The following SHANK2 variants were observed in gnomAD, a reference collection of about 807,000 sequenced individuals.
SHANK2 encodes SH3 and multiple ankyrin repeat domains protein 2.
Under a neutral mutation model 133.7 loss-of-function variants are expected in SHANK2, and 43 were observed. That is an observed-to-expected ratio of 0.32 (90% confidence interval 0.25 to 0.41). The LOEUF (loss-of-function observed/expected upper bound fraction) is 0.41. SHANK2 is among the 10% of genes least tolerant of loss of function. SHANK2 has a pLI of 1.00. For missense variants in SHANK2, 1,994 were observed against 2,235.8 expected (o/e 0.89, Z 2.18); for synonymous variants, 1,017 against 952.8 (o/e 1.07, Z -1.24).
intron 14 of SHANK2, among the ~76,000 whole-genome samples, chr11:70,729,072 C>T (rs1057134711): frequency 7.9e-5 from 12 of 151,860 alleles, no homozygotes; most frequent in African/African-American, 1.2e-4. Context: ...GGTGTGGTGG[C>T]GGGTGCTTGT....
intron 12 of SHANK2, among the ~76,000 whole-genome samples, chr11:70,811,292 T>G (rs572065064): frequency 2.1e-4 from 32 of 152,204 alleles, no homozygotes; most frequent in African/African-American, 7.0e-4. Flanking sequence ...GCTGCTTAAG[T>G]CCAGAACTTA....
intron 1 of SHANK2, among the ~76,000 whole-genome samples, chr11:71,247,035 A>AT: frequency 6.6e-6 from 1 of 152,308 alleles, no homozygotes; most frequent in African/African-American, 2.4e-5. Context: ...ATTTATGTAT[A>AT]TTTTTCGTGC....
At chr11:70,891,801 A>G (rs1949850152) in intron 11 of SHANK2, among the ~76,000 whole-genome samples, 1 of 152,158 alleles carries the variant, frequency 6.6e-6, no homozygotes, top group Non-Finnish European at 1.5e-5. Context: ...CCTCACCCTG[A>G]CACTGCTAAG....
At chr11:71,130,335 G>A (rs782084125) in intron 3 of SHANK2, among the ~76,000 whole-genome samples, 32 of 152,174 alleles carry the variant, frequency 2.1e-4, no homozygotes, top group East Asian at 3.8e-4. Flanking sequence ...AACCAGCGCC[G>A]AAAAGTATCC....
At chr11:70,824,700 G>A (rs1249073829) in intron 11 of SHANK2, among the ~76,000 whole-genome samples, 2 of 152,114 alleles carry the variant, frequency 1.3e-5, no homozygotes, top group East Asian at 3.9e-4. Flanking sequence ...GACCGGCAGA[G>A]ACTAAAAAAA....
rs782728354 is a variant in SHANK2, at chr11:70,473,139, G to A, written c.5280C>T (p.Arg1760=). 2 of 1,614,258 alleles carry A rather than the reference G, an allele frequency of 1.2e-6. No individual in the cohort carries two copies. Residue 1760 remains arginine, a synonymous_variant, in exon 26 of 26, where the codon CGC becomes CGT. Transcript: ENST00000601538. The surrounding 1 kb of genome is among the most constrained non-coding windows in gnomAD (Gnocchi z 5.9). ...GTATCGAGGGGGATGGCGACCTACT[G>A]CGTCCCGCTGGGTTCAAGCCAAATA... ...GDLFGLNPAG[R]SRSPSPSILQ...
chr11:70,741,768 T>C (rs1016246240), intron 14 of SHANK2, among the ~76,000 whole-genome samples: 9 of 152,204 alleles, frequency 5.9e-5, no homozygotes, highest in Admixed American at 5.9e-4. Flanking sequence ...CCTCTGTTTT[T>C]TCATTAAACA....
rs145658122 is a variant in SHANK2, at chr11:70,629,081, C to T, written c.2061+30747G>A. Among the ~76,000 whole-genome samples, 241 of 152,316 alleles carry T rather than the reference C, an allele frequency of 1.6e-3. 3 individuals are homozygous for T. The highest frequency in any genetic ancestry group is 0.014 in the South Asian group (69 of 4,830). On this transcript the variant is annotated intron_variant, in intron 17 of 25. Coordinates refer to ENST00000601538, the MANE Select transcript of SHANK2 (RefSeq NM_012309.5). ...TCAGGCATGTGCGCGCCACAGCTCA[C>T]GTGCTCACTGCAGCCTGAATTCAGT...
At chr11:70,926,359 T>C (rs1950427717) in intron 10 of SHANK2, among the ~76,000 whole-genome samples, 1 of 152,124 alleles carries the variant, frequency 6.6e-6, no homozygotes, top group Non-Finnish European at 1.5e-5. Context: ...GGAAAGGACA[T>C]GCTTGGCTCA....
chr11:70,475,028 AAC>A (rs1254215650), intron 25 of SHANK2: 1 of 152,470 alleles, frequency 6.6e-6, no homozygotes, highest in Non-Finnish European at 1.5e-5. Flanking sequence ...GAGAGCTGCA[AAC>A]AGTAGAGATG....
At chr11:70,517,049 G>A (rs1265842627) in intron 17 of SHANK2, among the ~76,000 whole-genome samples, 1 of 152,062 alleles carries the variant, frequency 6.6e-6, no homozygotes, top group Non-Finnish European at 1.5e-5. Flanking sequence ...CTCCAGCCTG[G>A]GCAACAGAGT....
chr11:70,744,278 G>A (rs868922814), intron 14 of SHANK2, among the ~76,000 whole-genome samples: 33 of 152,326 alleles, frequency 2.2e-4, no homozygotes, highest in Admixed American at 1.6e-3. Context: ...GGGCTCGGGC[G>A]ATCAGATCCC....
chr11:71,100,251 A>G (rs544243940), intron 6 of SHANK2, among the ~76,000 whole-genome samples: 2 of 152,194 alleles, frequency 1.3e-5, no homozygotes, highest in Non-Finnish European at 2.9e-5. Flanking sequence ...CAATCCAGCA[A>G]CCCAGCTCCT....
chr11:70,577,743 C>T (rs147596220), intron 17 of SHANK2, among the ~76,000 whole-genome samples: 28 of 145,932 alleles, frequency 1.9e-4, no homozygotes, highest in Non-Finnish European at 3.3e-4. Flanking sequence ...GGCTGATAAA[C>T]GGAGGTAAAC....
chr11:70,756,429 A>G (rs1167691775), intron 14 of SHANK2, among the ~76,000 whole-genome samples: 1 of 152,160 alleles, frequency 6.6e-6, no homozygotes, highest in African/African-American at 2.4e-5. Context: ...ACCGGAGAAG[A>G]GCCCAGGTTA....
chr11:70,484,823 G>A lies in SHANK2; in HGVS notation c.4979+491C>T, dbSNP rs1192388409. 3.3e-5 allele frequency among the ~76,000 whole-genome samples: 5 copies of A among 152,186 alleles called. 1 individual carries two copies. Among genetic ancestry groups the A allele is most frequent in the Non-Finnish European group, 5.9e-5 (4 of 68,038 alleles). On this transcript the variant is annotated intron_variant, in intron 25 of 25. Coordinates refer to ENST00000601538, the MANE Select transcript of SHANK2 (RefSeq NM_012309.5). ...CCATGACCCTGTGCCTCCCAAGCCCGCAAACCTGGTAGTGATGGGAGGGGA... is the reference window on the plus strand; with the variant it reads ...CCATGACCCTGTGCCTCCCAAGCCCACAAACCTGGTAGTGATGGGAGGGGA...
chr11:71,234,039 T>C (rs1408620920), intron 1 of SHANK2, among the ~76,000 whole-genome samples: 1 of 148,410 alleles, frequency 6.7e-6, no homozygotes, highest in Non-Finnish European at 1.5e-5. Context: ...AGAGCAAGAC[T>C]CGTCTCAAAG....
In SHANK2 at chr11:70,807,247, C is replaced by T; in HGVS notation, c.1494-76G>A. On this transcript the variant is annotated intron_variant, in intron 12 of 25. Transcript: ENST00000601538. This position sits in a 1 kb window ranked among gnomAD's most constrained non-coding sequence, Gnocchi z 4.8. ...CAAGCCACATGCCACAAACCACAGC[C>T]AAGCCATTCAACGCATGCTGCGCCT... 1 of 684,698 alleles carries T rather than the reference C, an allele frequency of 1.5e-6. No homozygotes were observed. Among genetic ancestry groups the T allele is most frequent in the Non-Finnish European group, 2.6e-6 (1 of 377,462 alleles). 42.4% of individuals were successfully genotyped at this position (684,698 alleles called of 1,614,324 possible). A position where few individuals can be genotyped will look rare whatever the true frequency, so the allele number is the denominator to read the frequency against.
In SHANK2 at chr11:70,798,491, C is replaced by A. The variant is rs1332607804; in HGVS notation, c.1729G>T (p.Ala577Ser). The change falls in exon 14 of 26, where the codon GCG becomes TCG. Residue 577 changes from alanine (A) to serine (S), a missense_variant. Ala to Ser is a moderately conservative substitution (Grantham distance 99). Around this residue, in one of 5 missense-constraint regions of SHANK2, gnomAD observed 653 missense variants for 563.4 expected, o/e 1.16. Transcript: ENST00000601538. ...SARGHIGWFP[A>S]ECVEEVQCKP... ...CACTGGACCTCCTCCACGCACTCCG[C>A]CGGAAACCATCCGATGTGGCCGCGG... 1.4e-6 allele frequency: 1 copy of A among 718,462 alleles called. No homozygotes were observed. The highest frequency in any genetic ancestry group is 1.7e-5 in the African/African-American group (1 of 57,254). The allele number at this position is 718,462 out of a possible 1,614,324, so 44.5% of individuals were successfully genotyped here. A position where few individuals can be genotyped will look rare whatever the true frequency, so the allele number is the denominator to read the frequency against.
Sources: allele counts gnomAD v4.1 joint callset (sites outside exome capture counted in the v4.1 genomes callset), GRCh38; gene constraint gnomAD v4.1.1; regional missense constraint gnomAD v4.1.1; non-coding constraint Gnocchi (gnomAD v3.1); transcripts MANE v1.5; gene names NCBI Gene and HGNC (gene_info 2026-07-23, HGNC 2026-07-21).